TRPM3: variants seen among roughly 807,000 people sequenced by gnomAD.
The protein encoded by TRPM3 is transient receptor potential cation channel subfamily M member 3, also known as long transient receptor potential channel 3.
TRPM3 carries 77 observed loss-of-function variants against 181.2 expected under a neutral mutation model. That is an observed-to-expected ratio of 0.42 (90% confidence interval 0.35 to 0.51). The LOEUF (loss-of-function observed/expected upper bound fraction) is 0.51. TRPM3 is among the 20% of genes least tolerant of loss of function. The probability of loss-of-function intolerance (pLI) is 0.01; values close to 1 mark genes in which losing one functional copy is unlikely to be tolerated. For synonymous variants in TRPM3, 745 were observed against 796.4 expected (o/e 0.94, Z 1.09); for missense variants, 1,759 against 2,196.7 (o/e 0.80, Z 3.98).
intron 1 of TRPM3, among the ~76,000 whole-genome samples, chr9:70,884,534 C>A (rs889152045): frequency 6.6e-6 from 1 of 152,182 alleles, no homozygotes; most frequent in East Asian, 1.9e-4. Flanking sequence ...GGCAAAGCTG[C>A]TTCTTATTAC....
At chr9:70,923,824 C>CTATA (rs1314329889) in intron 1 of TRPM3, among the ~76,000 whole-genome samples, 43 of 142,470 alleles carry the variant, frequency 3.0e-4, no homozygotes, top group Non-Finnish European at 4.7e-4. Context: ...CTCTCTCTCT[C>CTATA]TCTCTATATA....
Position 70,812,316 on chromosome 9 carries a change from C to A in TRPM3, c.973+15531G>T, listed in dbSNP as rs547153084. Among the ~76,000 whole-genome samples, 23 of 152,302 alleles carry A rather than the reference C, an allele frequency of 1.5e-4. No individual in the cohort carries two copies. The South Asian group carries it at 4.8e-3, about 32-fold the overall frequency. On this transcript the variant is annotated intron_variant, in intron 6 of 25. Transcript: ENST00000677713. ...CTGGTGAGAGGCATGTAGGAACTCA[C>A]CCACTTTTCATGAAACATCAACATC...
At chr9:70,677,807 C>T (rs2064391379) in intron 9 of TRPM3, among the ~76,000 whole-genome samples, 1 of 152,106 alleles carries the variant, frequency 6.6e-6, no homozygotes. Flanking sequence ...AGCTATGACC[C>T]TTAAGATGGA....
At chr9:71,047,285 TAATA>T (rs1245544883) in intron 1 of TRPM3, among the ~76,000 whole-genome samples, 6 of 152,230 alleles carry the variant, frequency 3.9e-5, no homozygotes, top group African/African-American at 7.2e-5. Flanking sequence ...TGTAGATGTA[TAATA>T]AATAGAGTAT....
At chr9:71,106,030 G>A (rs1241587112) in intron 1 of TRPM3, among the ~76,000 whole-genome samples, 1 of 151,990 alleles carries the variant, frequency 6.6e-6, no homozygotes, top group African/African-American at 2.4e-5. Flanking sequence ...AATTCAAGAA[G>A]GTTTTCTTGA....
intron 1 of TRPM3, among the ~76,000 whole-genome samples, chr9:71,017,926 T>C (rs2134456772): frequency 6.6e-6 from 1 of 151,976 alleles, no homozygotes; most frequent in Non-Finnish European, 1.5e-5. Context: ...TTTCATATTC[T>C]GGGCCATGAA....
chr9:71,313,126 T>C (rs1479497246), intron 1 of TRPM3, among the ~76,000 whole-genome samples: 1 of 152,112 alleles, frequency 6.6e-6, no homozygotes, highest in African/African-American at 2.4e-5. Context: ...TGGTTGATAG[T>C]CGGGGAGGCT....
At chr9:71,147,662 A>G (rs2075498194) in intron 1 of TRPM3, among the ~76,000 whole-genome samples, 1 of 152,168 alleles carries the variant, frequency 6.6e-6, no homozygotes, top group Non-Finnish European at 1.5e-5. Flanking sequence ...AGGTTAAGAT[A>G]ACATTTTGGA....
intron 1 of TRPM3, among the ~76,000 whole-genome samples, chr9:71,303,825 G>A (rs929783256): frequency 1.3e-5 from 2 of 152,046 alleles, no homozygotes; most frequent in African/African-American, 4.8e-5. Flanking sequence ...GAAATACTTA[G>A]GGAAAATAAA....
At chr9:71,178,162 T>C (rs537242826) in intron 1 of TRPM3, among the ~76,000 whole-genome samples, 1 of 152,204 alleles carries the variant, frequency 6.6e-6, no homozygotes, top group South Asian at 2.1e-4. Context: ...GTACAAGGTA[T>C]CACTGTTTTT....
intron 22 of TRPM3, among the ~76,000 whole-genome samples, chr9:70,576,956 A>G (rs532609759): frequency 2.0e-5 from 3 of 152,006 alleles, no homozygotes; most frequent in African/African-American, 4.8e-5. Flanking sequence ...TTTCATGCCT[A>G]TTTCCATTAT....
At chr9:71,402,712 A>C (rs2003325) in intron 1 of TRPM3, among the ~76,000 whole-genome samples, 3,630 of 152,278 alleles carry the variant, frequency 0.024, 92 homozygotes, top group African/African-American at 0.06. Context: ...TAATTATTTT[A>C]AAGCAAACAT....
chr9:70,929,351 G>A (rs188358938), intron 1 of TRPM3, among the ~76,000 whole-genome samples: 2 of 151,928 alleles, frequency 1.3e-5, no homozygotes, highest in African/African-American at 4.8e-5. Context: ...ACAGGTGCCC[G>A]CCACCATGCC....
intron 1 of TRPM3, among the ~76,000 whole-genome samples, chr9:71,156,303 C>T (rs1199837801): frequency 2.0e-5 from 3 of 150,298 alleles, no homozygotes; most frequent in Admixed American, 1.3e-4. Context: ...TAAGCCTTTG[C>T]TTCTTTATAT....
intron 22 of TRPM3, among the ~76,000 whole-genome samples, chr9:70,565,802 T>C (rs1202472973): frequency 6.6e-6 from 1 of 152,230 alleles, no homozygotes; most frequent in African/African-American, 2.4e-5. Context: ...TAGGTTCAGA[T>C]TGAGACTTAG....
intron 8 of TRPM3, among the ~76,000 whole-genome samples, chr9:70,694,491 T>A (rs1048511458): frequency 1.3e-5 from 2 of 152,002 alleles, no homozygotes; most frequent in African/African-American, 4.8e-5. Context: ...ATGAAAATCT[T>A]TTTTTTTGAG....
intron 1 of TRPM3, among the ~76,000 whole-genome samples, chr9:71,170,351 T>C (rs2076789071): frequency 6.6e-6 from 1 of 152,202 alleles, no homozygotes; most frequent in Non-Finnish European, 1.5e-5. Context: ...GAAGAACGTC[T>C]GGACTGCTAA....
intron 1 of TRPM3, among the ~76,000 whole-genome samples, chr9:71,117,700 T>A (rs1200890453): frequency 6.6e-6 from 1 of 152,220 alleles, no homozygotes; most frequent in Admixed American, 6.5e-5. Flanking sequence ...TTATTCTATT[T>A]CTGACATTGC....
chr9:70,689,369 T>C (rs779868609), intron 8 of TRPM3, among the ~76,000 whole-genome samples: 2 of 152,272 alleles, frequency 1.3e-5, no homozygotes, highest in South Asian at 4.1e-4. Context: ...AAATATATTA[T>C]AGCATTAGCA....
Sources: allele counts gnomAD v4.1 joint callset (sites outside exome capture counted in the v4.1 genomes callset), GRCh38; gene constraint gnomAD v4.1.1; transcripts MANE v1.5; gene names NCBI Gene and HGNC (gene_info 2026-07-23, HGNC 2026-07-21).